Variants in VTI1A observed in about 807,000 individuals in gnomAD.
The protein encoded by VTI1A is vesicle transport through interaction with t-SNAREs 1A, also known as vesicle transport through interaction with t-SNAREs homolog 1A.
In VTI1A, 22 loss-of-function variants were observed where a neutral mutation model predicts 34.9. The ratio of observed to expected loss-of-function variants is 0.63; its 90% CI spans 0.45 to 0.90. VTI1A has a LOEUF of 0.90. Among genes scored for constraint, VTI1A ranks in the 40% least tolerant of loss-of-function variants. The pLI is 0.00. For synonymous variants in VTI1A, 87 were observed against 97.3 expected (o/e 0.89, Z 0.62); for missense variants, 268 against 275.6 (o/e 0.97, Z 0.20).
intron 5 of VTI1A, among the ~76,000 whole-genome samples, chr10:112,614,865 A>G (rs886338985): frequency 2.0e-5 from 3 of 152,234 alleles, no homozygotes; most frequent in Admixed American, 2.0e-4. Context: ...AAGCAAGGTC[A>G]GTTTCACAGA....
In VTI1A at chr10:112,536,711, CTCTGT is replaced by C. The variant is rs575478175; in HGVS notation, c.343-1531_343-1527del. On this transcript the variant is annotated intron_variant, in intron 4 of 7. Coordinates refer to ENST00000393077, the MANE Select transcript of VTI1A (RefSeq NM_145206.4). The stretch of plus-strand genomic sequence containing the variant: ...CTGACCTTCACATCAGGTCCTATCT[CTCTGT>C]TCTAAATGCATTGTTTTAATGATTC... Among the ~76,000 whole-genome samples, 123 of 151,906 alleles carry C rather than the reference CTCTGT, an allele frequency of 8.1e-4. 1 individual carries two copies. Among genetic ancestry groups the C allele is most frequent in the Middle Eastern group, 6.8e-3 (2 of 292 alleles).
intron 5 of VTI1A, among the ~76,000 whole-genome samples, chr10:112,560,984 AT>A (rs982521484): frequency 5.3e-5 from 8 of 152,082 alleles, no homozygotes; most frequent in Non-Finnish European, 1.2e-4. Context: ...TTTTAAGAAG[AT>A]TTCGTGTGGT....
At chr10:112,535,946 C>A (rs1201461894) in intron 4 of VTI1A, among the ~76,000 whole-genome samples, 2 of 152,182 alleles carry the variant, frequency 1.3e-5, no homozygotes, top group African/African-American at 2.4e-5. Flanking sequence ...TGATAGTCCT[C>A]TTGTGTGCAG....
At chr10:112,804,492 T>G (rs2134077497) in intron 7 of VTI1A, among the ~76,000 whole-genome samples, 1 of 152,382 alleles carries the variant, frequency 6.6e-6, no homozygotes. Flanking sequence ...TTTAATGAGC[T>G]AATCCTCTCC....
intron 5 of VTI1A, among the ~76,000 whole-genome samples, chr10:112,604,670 C>G (rs1845007540): frequency 6.6e-6 from 1 of 152,100 alleles, no homozygotes; most frequent in Non-Finnish European, 1.5e-5. Flanking sequence ...GTATACGAGT[C>G]TATTACTAGA....
intron 5 of VTI1A, among the ~76,000 whole-genome samples, chr10:112,643,016 T>G (rs1230382725): frequency 2.1e-5 from 3 of 140,620 alleles, no homozygotes; most frequent in African/African-American, 7.8e-5. Flanking sequence ...AGAGTCTCAC[T>G]CTTGTCACCC....
At chr10:112,490,598 G>A (rs1723602882) in intron 3 of VTI1A, among the ~76,000 whole-genome samples, 1 of 149,586 alleles carries the variant, frequency 6.7e-6, no homozygotes. Context: ...ATAGTCCTTG[G>A]GGAGATGCTA....
chr10:112,641,062 CAA>C (rs1220849951), intron 5 of VTI1A, among the ~76,000 whole-genome samples: 3 of 151,160 alleles, frequency 2.0e-5, no homozygotes, highest in African/African-American at 7.3e-5. Context: ...ACAGAAAAAG[CAA>C]AAGTTTTTTT....
At chr10:112,474,921 A>G (rs143539321) in intron 3 of VTI1A, among the ~76,000 whole-genome samples, 8 of 152,208 alleles carry the variant, frequency 5.3e-5, no homozygotes, top group Non-Finnish European at 7.3e-5. Flanking sequence ...TCAAAGGCCA[A>G]CACAGGAAAG....
At chr10:112,559,901 T>A (rs1003988469) in intron 5 of VTI1A, among the ~76,000 whole-genome samples, 4 of 152,144 alleles carry the variant, frequency 2.6e-5, no homozygotes, top group Non-Finnish European at 5.9e-5. Context: ...ATGGAAAAGG[T>A]ATTCTATTCT....
intron 5 of VTI1A, among the ~76,000 whole-genome samples, chr10:112,556,016 T>C (rs1001961015): frequency 2.6e-5 from 4 of 151,996 alleles, no homozygotes; most frequent in African/African-American, 9.7e-5. Context: ...GGCAAGAATA[T>C]TCTGACATGT....
chr10:112,456,477 G>A (rs1847530962), intron 1 of VTI1A, among the ~76,000 whole-genome samples: 1 of 149,432 alleles, frequency 6.7e-6, no homozygotes, highest in Non-Finnish European at 1.5e-5. Context: ...AATGACCGTT[G>A]TACCCCCTAG....
chr10:112,765,220 T>C (rs1339424248), intron 7 of VTI1A, among the ~76,000 whole-genome samples: 1 of 152,164 alleles, frequency 6.6e-6, no homozygotes, highest in African/African-American at 2.4e-5. Flanking sequence ...TTTTGTTTTG[T>C]TTTTTTGAGA....
intron 7 of VTI1A, among the ~76,000 whole-genome samples, chr10:112,782,493 A>G (rs910943802): frequency 6.6e-6 from 1 of 152,222 alleles, no homozygotes; most frequent in South Asian, 2.1e-4. Context: ...TCTGTATCCG[A>G]TCTTTCCCGT....
the VTI1A span, among the ~76,000 whole-genome samples, chr10:112,851,948 A>T: frequency 1.7e-4 from 26 of 152,182 alleles, no homozygotes; most frequent in African/African-American, 6.3e-4. Context: ...ACTTAAGAGA[A>T]TGTTGTGTTT....
intron 5 of VTI1A, among the ~76,000 whole-genome samples, chr10:112,621,875 G>A (rs1184889810): frequency 6.6e-6 from 1 of 152,088 alleles, no homozygotes. Flanking sequence ...CACGCTATAC[G>A]CTCCTTATAT....
At chr10:112,745,784 C>A (rs1187010990) in intron 7 of VTI1A, among the ~76,000 whole-genome samples, 1 of 152,122 alleles carries the variant, frequency 6.6e-6, no homozygotes, top group Non-Finnish European at 1.5e-5. Flanking sequence ...TTGCTAAGAC[C>A]TCTTTCAGGA....
chr10:112,716,789 C>A (rs1023240674), intron 7 of VTI1A, among the ~76,000 whole-genome samples: 1 of 151,634 alleles, frequency 6.6e-6, no homozygotes, highest in Non-Finnish European at 1.5e-5. Flanking sequence ...TTCCCAAATC[C>A]AAAAAAAATT....
intron 3 of VTI1A, among the ~76,000 whole-genome samples, chr10:112,495,897 C>G (rs891019893): frequency 4.6e-5 from 7 of 152,068 alleles, no homozygotes; most frequent in African/African-American, 1.4e-4. Context: ...ACAGAAGAGA[C>G]TATTTCAAAA....
Sources: allele counts gnomAD v4.1 joint callset (sites outside exome capture counted in the v4.1 genomes callset), GRCh38; gene constraint gnomAD v4.1.1; transcripts MANE v1.5; gene names NCBI Gene and HGNC (gene_info 2026-07-23, HGNC 2026-07-21).